The following MECOM variants were observed in gnomAD, a reference collection of about 807,000 sequenced individuals.
The protein encoded by MECOM is histone-lysine N-methyltransferase MECOM.
Under a neutral mutation model 116.3 loss-of-function variants are expected in MECOM, and 13 were observed. The ratio of observed to expected loss-of-function variants is 0.11; its 90% CI spans 0.07 to 0.18. The LOEUF is 0.18. MECOM is among the 10% of genes least tolerant of loss of function. The pLI, the probability that MECOM is intolerant of heterozygous loss-of-function variation, is 1.00. For missense variants in MECOM, 1,299 were observed against 1,509.0 expected (o/e 0.86, Z 2.31); for synonymous variants, 528 against 535.2 (o/e 0.99, Z 0.19).
At chr3:169,220,121 G>A (rs1011065250) in intron 2 of MECOM, among the ~76,000 whole-genome samples, 2 of 152,040 alleles carry the variant, frequency 1.3e-5, no homozygotes, top group African/African-American at 4.8e-5. Context: ...GAGTTTAGGA[G>A]TTCAAGATGA....
At chr3:169,286,649 AT>A (rs1481772790) in intron 2 of MECOM, among the ~76,000 whole-genome samples, 1 of 152,192 alleles carries the variant, frequency 6.6e-6, no homozygotes, top group Non-Finnish European at 1.5e-5. Context: ...CACTCCCTAG[AT>A]TAGAAAGGAT....
At chr3:169,420,721 A>C (rs1335689624) in intron 1 of MECOM, among the ~76,000 whole-genome samples, 2 of 152,104 alleles carry the variant, frequency 1.3e-5, no homozygotes, top group Non-Finnish European at 2.9e-5. Flanking sequence ...TCTCTCAAAA[A>C]TGAAGAACTG....
At chr3:169,506,466 C>CTTTTTTTTTT (rs59006044) in intron 1 of MECOM, among the ~76,000 whole-genome samples, 2,078 of 147,716 alleles carry the variant, frequency 0.014, 49 homozygotes, top group African/African-American at 0.048. Context: ...GGTGAGTACT[C>CTTTTTTTTTT]TTTTTTTTTT....
intron 2 of MECOM, among the ~76,000 whole-genome samples, chr3:169,217,843 A>AAT (rs72144428): frequency 6.5e-4 from 96 of 147,808 alleles, no homozygotes; most frequent in East Asian, 2.9e-3. Flanking sequence ...ATATATATGT[A>AAT]ATATATATAT....
At chr3:169,187,264 C>T (rs1746906665) in intron 2 of MECOM, among the ~76,000 whole-genome samples, 1 of 152,110 alleles carries the variant, frequency 6.6e-6, no homozygotes, top group Non-Finnish European at 1.5e-5. Context: ...TCTCACCTTA[C>T]TGACAGAGTT....
intron 2 of MECOM, among the ~76,000 whole-genome samples, chr3:169,269,459 C>T (rs1043748177): frequency 2.0e-5 from 3 of 151,954 alleles, no homozygotes; most frequent in Non-Finnish European, 2.9e-5. Flanking sequence ...GTGGACAAAA[C>T]GCTTTAATTA....
chr3:169,333,252 A>G (rs1252781191), intron 2 of MECOM, among the ~76,000 whole-genome samples: 1 of 152,186 alleles, frequency 6.6e-6, no homozygotes, highest in Non-Finnish European at 1.5e-5. Flanking sequence ...GTGTGGAGGG[A>G]CAAGAGATAC....
chr3:169,237,035 A>T (rs1179714649), intron 2 of MECOM, among the ~76,000 whole-genome samples: 1 of 152,226 alleles, frequency 6.6e-6, no homozygotes, highest in Non-Finnish European at 1.5e-5. Flanking sequence ...CATACATGTA[A>T]TCGAGAAACA....
intron 1 of MECOM, among the ~76,000 whole-genome samples, chr3:169,603,031 A>G (rs1768014050): frequency 6.6e-6 from 1 of 152,248 alleles, no homozygotes; most frequent in Non-Finnish European, 1.5e-5. Context: ...TATTATTGTA[A>G]TATCAGTAAT....
intron 4 of MECOM, 127 bp from the exon 5 acceptor site, chr3:169,128,187 A>C (rs1577068821): frequency 1.3e-6 from 1 of 785,222 alleles, no homozygotes. Context: ...TGTCAATTTT[A>C]ATCTGGATTA....
rs145408999 is a variant in MECOM, at chr3:169,568,831, G to A, written c.37+94505C>T. ...CACCGGGTTCTTGCCTTACAAGAGC[G>A]CCTGAAGAAAGCACTAAACATGGAA... On this transcript the variant is annotated intron_variant, in intron 1 of 16. Coordinates refer to ENST00000651503, the MANE Select transcript of MECOM (RefSeq NM_004991.4). Among the ~76,000 whole-genome samples the A allele has an allele frequency of 6.4e-3, 978 of 152,238 alleles. 27 individuals are homozygous for A. Among genetic ancestry groups the A allele is most frequent in the Admixed American group, 0.054 (824 of 15,284 alleles).
chr3:169,552,867 T>A (rs1280944375), intron 1 of MECOM, among the ~76,000 whole-genome samples: 1 of 150,136 alleles, frequency 6.7e-6, no homozygotes, highest in Non-Finnish European at 1.5e-5. Context: ...TCACTTTGAA[T>A]CTCCATGATT....
In MECOM at chr3:169,140,272, C is replaced by T. The variant is rs144297708; in HGVS notation, c.510+3426G>A. Reference sequence around the variant, plus strand: ...TCAGTAAAAATTTCCAGCTAAACACCGTGCCACAGCCATAGACCTATGTAG... The same window carrying T: ...TCAGTAAAAATTTCCAGCTAAACACTGTGCCACAGCCATAGACCTATGTAG... On this transcript the variant is annotated intron_variant, in intron 3 of 16. Transcript: ENST00000651503. Among the ~76,000 whole-genome samples, 58 of 151,970 alleles carry T rather than the reference C, an allele frequency of 3.8e-4. No homozygotes were observed. The South Asian group carries it at 4.2e-3, about 11-fold the overall frequency.
At chr3:169,382,706 A>G (rs1732610106) in intron 1 of MECOM, among the ~76,000 whole-genome samples, 1 of 151,944 alleles carries the variant, frequency 6.6e-6, no homozygotes, top group Non-Finnish European at 1.5e-5. Flanking sequence ...TTGAAAAATT[A>G]GCTGAGTGTG....
At chr3:169,596,745 C>T (rs1379316773) in intron 1 of MECOM, among the ~76,000 whole-genome samples, 1 of 152,078 alleles carries the variant, frequency 6.6e-6, no homozygotes, top group African/African-American at 2.4e-5. Context: ...ATTAGTGTTT[C>T]CAGTTAGCAA....
chr3:169,119,094 T>C (rs1224477551), intron 7 of MECOM, among the ~76,000 whole-genome samples: 1 of 152,222 alleles, frequency 6.6e-6, no homozygotes, highest in Non-Finnish European at 1.5e-5. Context: ...GGGAAAGCTG[T>C]AGGTTTCTGT....
At chr3:169,328,754 G>A (rs1296720097) in intron 2 of MECOM, among the ~76,000 whole-genome samples, 5 of 152,012 alleles carry the variant, frequency 3.3e-5, no homozygotes, top group South Asian at 4.2e-4. Context: ...ACAGGGCCTC[G>A]CTCCCAACTT....
chr3:169,469,217 T>A (rs1560312795), intron 1 of MECOM, among the ~76,000 whole-genome samples: 1 of 152,134 alleles, frequency 6.6e-6, no homozygotes, highest in African/African-American at 2.4e-5. Context: ...GAACAAGGTT[T>A]CCCAGGTAAA....
chr3:169,092,923 C>T (rs750070998), intron 14 of MECOM, 35 bp downstream of exon 14: 50 of 1,608,758 alleles, frequency 3.1e-5, no homozygotes, highest in South Asian at 5.5e-5. Context: ...TCATTTCAGT[C>T]GTCACAGAGT....
Sources: gnomAD v4.1 joint callset for allele counts (sites outside exome capture counted in the v4.1 genomes callset) on GRCh38, gnomAD v4.1.1 for gene constraint, MANE v1.5 for transcripts, NCBI Gene and HGNC (gene_info 2026-07-23, HGNC 2026-07-21) for gene names.